The following ZNF79 variants were observed in gnomAD, a reference collection of about 807,000 sequenced individuals.
The protein encoded by ZNF79 is ZNFpT7.
A neutral mutation model predicts 14.9 loss-of-function variants in ZNF79; 13 were observed. The observed-to-expected ratio is 0.87, with a 90% CI of 0.57 to 1.38. ZNF79 has a LOEUF of 1.38. ZNF79 is among the 40% of genes most tolerant of loss of function. ZNF79 has a pLI of 0.00. For missense variants in ZNF79, 631 were observed against 630.6 expected (o/e 1.00, Z -0.01); for synonymous variants, 223 against 235.1 (o/e 0.95, Z 0.47).
chr9:127,444,688 G>C lies in ZNF79; in HGVS notation c.988G>C (p.Glu330Gln). ...GAACCATCAGAGGACTCACACCGGG[G>C]AGAAGCCCTACAAGTGCAGCGAGTG... is the stretch of plus-strand genomic sequence containing the variant. The part of the protein sequence containing the change: ...LTNHQRTHTG[E>Q]KPYKCSECGK... The change falls in exon 5 of 5, where the codon GAG (glutamate) becomes CAG (glutamine). Residue 330 changes from glutamate to glutamine, a missense_variant. Physicochemically the swap from Glu to Gln is conservative, Grantham distance 29. Coordinates refer to ENST00000342483, the MANE Select transcript of ZNF79 (RefSeq NM_007135.3). 14 of 1,614,060 alleles carry C rather than the reference G, an allele frequency of 8.7e-6. No individual in the cohort carries two copies. The highest frequency in any genetic ancestry group is 1.2e-5 in the Non-Finnish European group (14 of 1,179,962).
intron 2 of ZNF79, 42 bp downstream of exon 2, chr9:127,428,962 C>T: frequency 7.5e-7 from 1 of 1,338,070 alleles, no homozygotes; most frequent in Non-Finnish European, 1.0e-6. Flanking sequence ...TTTTCTTCCC[C>T]CCTAATACTA....
intron 1 of ZNF79, among the ~76,000 whole-genome samples, chr9:127,425,345 T>C (rs1833731661): frequency 6.6e-6 from 1 of 152,236 alleles, no homozygotes; most frequent in South Asian, 2.1e-4. Flanking sequence ...GACAAAATAA[T>C]GTTAACTACT....
intron 2 of ZNF79, 77 bp downstream of exon 2, chr9:127,428,997 T>C: frequency 1.0e-6 from 1 of 963,110 alleles, no homozygotes; most frequent in Non-Finnish European, 1.5e-6. Context: ...TTGTTTTTTG[T>C]TGTCATTGTT....
At position 127,436,011 on chromosome 9, in the gene ZNF79, A is replaced by G. The variant is rs924935459; in HGVS notation, c.328+8A>G. ...TGCGAAGTCCCTCTCCAGGTATGTG[A>G]GCAAGCACTTAGCCAGTGGGAGTCT... On this transcript the variant is annotated splice_region_variant and intron_variant, in intron 4 of 4. Coordinates refer to ENST00000342483, the MANE Select transcript of ZNF79 (RefSeq NM_007135.3). The G allele has an allele frequency of 6.2e-7, 1 of 1,613,592 alleles. No individual in the cohort carries two copies. Among genetic ancestry groups the G allele is most frequent in the Admixed American group, 1.7e-5 (1 of 60,026 alleles).
At chr9:127,427,542 C>G (rs968023850) in intron 1 of ZNF79, among the ~76,000 whole-genome samples, 1 of 132,590 alleles carries the variant, frequency 7.5e-6, no homozygotes, top group East Asian at 2.2e-4. Context: ...TAACTAAATT[C>G]TTTTTTTTTT....
intron 2 of ZNF79, among the ~76,000 whole-genome samples, chr9:127,432,396 C>T (rs1303705132): frequency 4.0e-5 from 6 of 151,880 alleles, no homozygotes; most frequent in Admixed American, 2.0e-4. Flanking sequence ...GTGATCCACC[C>T]GCCTCGGCCT....
chr9:127,428,749 C>A, intron 1 of ZNF79, 83 bp from the exon 2 acceptor site: 4 of 1,297,816 alleles, frequency 3.1e-6, no homozygotes, highest in Non-Finnish European at 4.0e-6. Flanking sequence ...TGCCCTGATA[C>A]CTGCTATGTC....
intron 1 of ZNF79, among the ~76,000 whole-genome samples, chr9:127,427,243 C>T (rs1833772834): frequency 1.4e-5 from 2 of 146,504 alleles, no homozygotes; most frequent in Non-Finnish European, 3.0e-5. Context: ...CGTGGTGAAA[C>T]CCCGTCTACT....
At chr9:127,428,553 T>G in intron 1 of ZNF79, 202 of 597,474 alleles carry the variant, frequency 3.4e-4, no homozygotes, top group Non-Finnish European at 4.1e-4. Context: ...ATTTTGCAGA[T>G]GAGAAAAATG....
At chr9:127,439,291 A>T (rs1834008684) in intron 4 of ZNF79, among the ~76,000 whole-genome samples, 1 of 152,190 alleles carries the variant, frequency 6.6e-6, no homozygotes, top group Admixed American at 6.5e-5. Flanking sequence ...TGCATTAACT[A>T]CATGGATTCC....
At chr9:127,441,012 G>A (rs956795475) in intron 4 of ZNF79, among the ~76,000 whole-genome samples, 2 of 152,120 alleles carry the variant, frequency 1.3e-5, no homozygotes, top group Non-Finnish European at 2.9e-5. Context: ...TGAGGGACAG[G>A]CCATTTGTGA....
intron 4 of ZNF79, among the ~76,000 whole-genome samples, chr9:127,437,268 C>T (rs6478779): frequency 0.15 from 23,433 of 151,634 alleles, 2,311 homozygotes; most frequent in Admixed American, 0.3. Flanking sequence ...GTGTGCCTGG[C>T]ACTACTCATG....
At position 127,444,792 on chromosome 9, in the gene ZNF79, C is replaced by T. The variant is rs775229550; in HGVS notation, c.1092C>T (p.Ala364=). ...CCGGGGAGAAGCCCTACAGATGTGC[C>T]GCGTGTGGGAAGGCCTTCAGCCAGA... The part of the protein sequence containing the change: ...IHTGEKPYRC[A]ACGKAFSQSA... The change falls in exon 5 of 5, where the codon GCC becomes GCT. Residue 364 remains alanine, a synonymous_variant. Transcript: ENST00000342483. 6.2e-6 allele frequency: 10 copies of T among 1,601,780 alleles called. No homozygotes were observed. Among genetic ancestry groups the T allele is most frequent in the African/African-American group, 2.8e-5 (2 of 72,294 alleles).
Position 127,428,926 on chromosome 9 carries a change from T to C in ZNF79, c.105+6T>C. 2.5e-6 allele frequency: 4 copies of C among 1,571,172 alleles called. No homozygotes were observed. The highest frequency in any genetic ancestry group is 1.2e-5 in the South Asian group (1 of 84,794). ...TCCTCACAGCTGGGCCCCGGGTAAG[T>C]TGGAAATTAACTTTGGAAGGCATCC... On this transcript the variant is annotated splice_donor_region_variant and intron_variant, in intron 2 of 4. Transcript: ENST00000342483.
At chr9:127,443,154 T>C (rs1834079193) in intron 4 of ZNF79, among the ~76,000 whole-genome samples, 1 of 152,088 alleles carries the variant, frequency 6.6e-6, no homozygotes, top group African/African-American at 2.4e-5. Context: ...AAAAGCATAG[T>C]ATAGGCTGGG....
rs1305548589 is a variant in ZNF79, at chr9:127,424,656, G to A, written c.-132G>A. 5.7e-6 allele frequency: 8 copies of A among 1,398,992 alleles called. No homozygotes were observed. The highest frequency in any genetic ancestry group is 5.7e-5 in the African/African-American group (4 of 70,464). The allele number at this position is 1,398,992 out of a possible 1,614,324, so 86.7% of individuals were successfully genotyped here. ...GCAGGATCAGACCGTGCCTCTGCGG[G>A]GAGAGGCTGGAGAGGAAGAGTCCGG... On this transcript the variant is annotated 5_prime_UTR_variant, in exon 1 of 5. Coordinates refer to ENST00000342483, the MANE Select transcript of ZNF79 (RefSeq NM_007135.3).
At position 127,439,489 on chromosome 9, in the gene ZNF79, A is replaced by C. The variant is rs916115884; in HGVS notation, c.328+3486A>C. Reference sequence around the variant, plus strand: ...ACTCTAGCTATTAGAGGAGTTCAACATGGCCTCTGTTCTAACTCACAGCAT... The same window carrying C: ...ACTCTAGCTATTAGAGGAGTTCAACCTGGCCTCTGTTCTAACTCACAGCAT... On this transcript the variant is annotated intron_variant, in intron 4 of 4. Transcript: ENST00000342483. 2.6e-5 allele frequency among the ~76,000 whole-genome samples: 4 copies of C among 152,314 alleles called. No individual in the cohort carries two copies. In the East Asian group the frequency reaches 7.7e-4, roughly 29 times the overall value.
At chr9:127,427,539 A>ATTT (rs1564230225) in intron 1 of ZNF79, among the ~76,000 whole-genome samples, 2 of 122,642 alleles carry the variant, frequency 1.6e-5, no homozygotes, top group African/African-American at 3.0e-5. Context: ...CAATAACTAA[A>ATTT]TTCTTTTTTT....
intron 4 of ZNF79, among the ~76,000 whole-genome samples, chr9:127,438,516 C>T (rs1833988785): frequency 6.6e-6 from 1 of 152,168 alleles, no homozygotes; most frequent in African/African-American, 2.4e-5. Context: ...GCCTTTGATT[C>T]ATTGGATAGG....
Sources: allele counts gnomAD v4.1 joint callset (sites outside exome capture counted in the v4.1 genomes callset), GRCh38; gene constraint gnomAD v4.1.1; transcripts MANE v1.5; gene names NCBI Gene and HGNC (gene_info 2026-07-23, HGNC 2026-07-21).